Variants in TG observed in about 807,000 individuals in gnomAD.
TG encodes the protein thyroglobulin, also known as thyroid hormones.
A neutral mutation model predicts 324.7 loss-of-function variants in TG; 270 were observed. The ratio of observed to expected loss-of-function variants is 0.83; its 90% CI spans 0.75 to 0.92. The LOEUF is 0.92. Among genes scored for constraint, TG ranks in the 40% least tolerant of loss-of-function variants. The probability of loss-of-function intolerance (pLI) is 0.00; values close to 1 mark genes in which losing one functional copy is unlikely to be tolerated. For missense variants in TG, 3,591 were observed against 3,456.4 expected (o/e 1.04, Z -0.98); for synonymous variants, 1,401 against 1,327.0 (o/e 1.06, Z -1.21).
chr8:132,963,048 C>T lies in TG; in HGVS notation c.5522C>T (p.Pro1841Leu). 6.2e-7 allele frequency: 1 copy of T among 1,614,018 alleles called. No individual in the cohort carries two copies. Among genetic ancestry groups the T allele is most frequent in the Non-Finnish European group, 8.5e-7 (1 of 1,179,902 alleles). The stretch of plus-strand genomic sequence containing the variant: ...ATGGGATGTAGAAAAGACACAGTGC[C>T]AAGGCCAGCATCTCCAACAGAAGCA... ...ESMGCRKDTV[P>L]RPASPTEAGL... is the part of the protein sequence containing the mutation. Residue 1841 changes from proline to leucine, a missense_variant, in exon 29 of 48, where the codon CCA becomes CTA. Coordinates refer to ENST00000220616, the MANE Select transcript of TG (RefSeq NM_003235.5).
intron 35 of TG, among the ~76,000 whole-genome samples, chr8:133,000,444 A>G (rs1833347464): frequency 6.6e-6 from 1 of 152,256 alleles, no homozygotes; most frequent in Admixed American, 6.5e-5. Flanking sequence ...ACAAATTAAA[A>G]CAAAAGACCA....
At chr8:133,076,463 A>G (rs1844876961) in intron 41 of TG, among the ~76,000 whole-genome samples, 1 of 152,232 alleles carries the variant, frequency 6.6e-6, no homozygotes, top group African/African-American at 2.4e-5. Context: ...CCCGCTCAAG[A>G]AGAGCATGCT....
At chr8:132,952,049 A>G (rs900630963) in intron 27 of TG, among the ~76,000 whole-genome samples, 2 of 152,204 alleles carry the variant, frequency 1.3e-5, no homozygotes, top group Admixed American at 6.5e-5. Context: ...TCTTCATCCC[A>G]GTTTAACAAC....
At chr8:132,909,289 A>G (rs1819161695) in intron 18 of TG, among the ~76,000 whole-genome samples, 1 of 152,338 alleles carries the variant, frequency 6.6e-6, no homozygotes, top group South Asian at 2.1e-4. Context: ...AAAAGAGCCT[A>G]CAAGACTGGG....
At chr8:132,873,376 AC>A (rs1839680325) in intron 5 of TG, among the ~76,000 whole-genome samples, 155 bp downstream of exon 5, 3 of 152,232 alleles carry the variant, frequency 2.0e-5, no homozygotes, top group African/African-American at 4.8e-5. Context: ...CTAAAGTGCC[AC>A]GGCGTTTTTT....
chr8:133,033,408 G>A (rs1451868976), intron 41 of TG, among the ~76,000 whole-genome samples: 1 of 152,152 alleles, frequency 6.6e-6, no homozygotes, highest in Non-Finnish European at 1.5e-5. Flanking sequence ...CTGTGTCCCT[G>A]CACAGTCTTC....
chr8:133,065,077 T>C (rs904474834), intron 41 of TG, among the ~76,000 whole-genome samples: 48 of 152,186 alleles, frequency 3.2e-4, no homozygotes, highest in African/African-American at 1.1e-3. Flanking sequence ...AGCCCATTCA[T>C]ATAACCTTCT....
At chr8:132,983,736 A>C in intron 35 of TG, 1 of 432,942 alleles carries the variant, frequency 2.3e-6, no homozygotes. Context: ...GACACACACA[A>C]TCCGGAGGCA....
chr8:132,933,449 T>TGTGA, intron 23 of TG, 112 bp from the exon 24 acceptor site: 1 of 791,960 alleles, frequency 1.3e-6, no homozygotes, highest in Non-Finnish European at 2.2e-6. Context: ...TGTGTGTGTG[T>TGTGA]GTGTGTGTGT....
chr8:132,999,482 C>A (rs1260673204), intron 35 of TG, among the ~76,000 whole-genome samples: 1 of 152,160 alleles, frequency 6.6e-6, no homozygotes, highest in East Asian at 1.9e-4. Flanking sequence ...TACAAACTCC[C>A]TGTCAAGCTG....
intron 5 of TG, 152 bp downstream of exon 5, chr8:132,873,373 G>T: frequency 9.2e-7 from 1 of 1,092,622 alleles, no homozygotes; most frequent in Non-Finnish European, 1.3e-6. Context: ...CATCTAAAGT[G>T]CCACGGCGTT....
At chr8:132,870,372 C>G (rs1839371309) in intron 3 of TG, among the ~76,000 whole-genome samples, 1 of 146,666 alleles carries the variant, frequency 6.8e-6, no homozygotes, top group Non-Finnish European at 1.5e-5. Flanking sequence ...TTTTATGCAT[C>G]TAGTATGGTT....
At chr8:133,084,223 A>G (rs1044037090) in intron 41 of TG, among the ~76,000 whole-genome samples, 2 of 152,240 alleles carry the variant, frequency 1.3e-5, no homozygotes, top group African/African-American at 4.8e-5. Flanking sequence ...GAAGGAAAAT[A>G]GAAAAAGACT....
intron 41 of TG, among the ~76,000 whole-genome samples, chr8:133,066,307 C>G (rs555737278): frequency 1.7e-5 from 2 of 118,658 alleles, no homozygotes; most frequent in African/African-American, 6.9e-5. Context: ...ACCTGGGTGA[C>G]AGAGCGAGAC....
intron 41 of TG, among the ~76,000 whole-genome samples, chr8:133,077,655 G>A (rs1845099844): frequency 6.6e-6 from 1 of 152,226 alleles, no homozygotes; most frequent in East Asian, 1.9e-4. Flanking sequence ...CAAATCTTAG[G>A]CCTCTGTTTT....
intron 40 of TG, among the ~76,000 whole-genome samples, chr8:133,029,023 G>A (rs1836369159): frequency 6.6e-6 from 1 of 152,084 alleles, no homozygotes; most frequent in Non-Finnish European, 1.5e-5. Context: ...GTTCCTTAGT[G>A]CAAAGTCAGA....
chr8:132,987,042 C>T (rs1831645765), intron 35 of TG, among the ~76,000 whole-genome samples: 1 of 151,762 alleles, frequency 6.6e-6, no homozygotes, highest in Admixed American at 6.6e-5. Context: ...GTATTACTGA[C>T]ATGTGAATTA....
Position 132,963,030 on chromosome 8 carries a change from G to A in TG, c.5504G>A (p.Cys1835Tyr). The A allele has an allele frequency of 1.2e-6, 2 of 1,613,990 alleles. No homozygotes were observed. The highest frequency in any genetic ancestry group is 1.3e-5 in the African/African-American group (1 of 75,022). ...DMGSRPESMG[C>Y]RKDTVPRPAS... is the part of the protein sequence containing the mutation. ...GGGTCTCGGCCTGAGTCTATGGGAT[G>A]TAGAAAAGACACAGTGCCAAGGCCA... The change falls in exon 29 of 48, where the codon TGT becomes TAT. Residue 1835 changes from cysteine to tyrosine, a missense_variant. Cys to Tyr is a radical substitution (Grantham distance 194). Transcript: ENST00000220616.
intron 3 of TG, among the ~76,000 whole-genome samples, chr8:132,870,951 G>T (rs141509371): frequency 6.6e-6 from 1 of 152,194 alleles, no homozygotes; most frequent in East Asian, 1.9e-4. Context: ...GATTTGGAGG[G>T]GACAAATGCT....
Sources: gnomAD v4.1 joint callset for allele counts (sites outside exome capture counted in the v4.1 genomes callset) on GRCh38, gnomAD v4.1.1 for gene constraint, MANE v1.5 for transcripts, NCBI Gene and HGNC (gene_info 2026-07-23, HGNC 2026-07-21) for gene names.